Variants in ADAM12 observed in about 807,000 individuals in gnomAD.
ADAM12 encodes ADAM metallopeptidase domain 12.
A neutral mutation model predicts 106.4 loss-of-function variants in ADAM12; 70 were observed. The observed-to-expected ratio is 0.66, with a 90% CI of 0.54 to 0.80. The LOEUF is 0.80. Ranked by LOEUF, ADAM12 falls within the 30% of genes least tolerant of loss-of-function variation. The pLI, the probability that ADAM12 is intolerant of heterozygous loss-of-function variation, is 0.00. For missense variants in ADAM12, 1,010 were observed against 1,171.9 expected (o/e 0.86, Z 2.02); for synonymous variants, 420 against 433.5 (o/e 0.97, Z 0.39).
chr10:126,230,617 T>C (rs553221456), intron 3 of ADAM12, among the ~76,000 whole-genome samples: 33 of 152,356 alleles, frequency 2.2e-4, no homozygotes, highest in Admixed American at 2.0e-4. Flanking sequence ...TGACCTCATT[T>C]GAATTTTCAT....
At chr10:126,057,175 T>G in intron 14 of ADAM12, among the ~76,000 whole-genome samples, 1 of 45,224 alleles carries the variant, frequency 2.2e-5, no homozygotes, top group African/African-American at 7.7e-5. Context: ...CTCATAGTGG[T>G]TTTGATTTGC....
At chr10:126,286,919 G>A (rs1959892587) in intron 2 of ADAM12, among the ~76,000 whole-genome samples, 3 of 152,130 alleles carry the variant, frequency 2.0e-5, no homozygotes, top group South Asian at 2.1e-4. Flanking sequence ...GTGTTCAAAC[G>A]TTGGATTATT....
chr10:126,117,765 G>GGT (rs397737895), intron 6 of ADAM12, among the ~76,000 whole-genome samples: 2 of 125,010 alleles, frequency 1.6e-5, no homozygotes, highest in African/African-American at 3.1e-5. Context: ...AGTTGGGGGG[G>GGT]CGTAATTTTG....
At chr10:126,122,967 T>G (rs114438413) in intron 5 of ADAM12, among the ~76,000 whole-genome samples, 2 of 152,220 alleles carry the variant, frequency 1.3e-5, no homozygotes, top group Non-Finnish European at 2.9e-5. Context: ...TTTTTCTACA[T>G]AGTGGAATAT....
At chr10:126,372,164 A>C (rs1856132385) in intron 1 of ADAM12, among the ~76,000 whole-genome samples, 1 of 152,146 alleles carries the variant, frequency 6.6e-6, no homozygotes, top group Admixed American at 6.5e-5. Flanking sequence ...CTTTGGGATT[A>C]ACTTGGATAC....
rs749500979 is a variant in ADAM12 at position 126,388,060 on chromosome 10, C to G, written c.86G>C (p.Arg29Pro). Residue 29 changes from arginine to proline, a missense_variant and splice_region_variant, in exon 1 of 23, where the codon CGA becomes CCA. By Grantham distance (103) the Arg-to-Pro change is moderately radical. This residue lies in a region of ADAM12 where 391 missense variants were observed against 442.9 expected (regional missense o/e 0.88). Coordinates refer to ENST00000448723, the MANE Select transcript of ADAM12 (RefSeq NM_001288973.2). This position sits in a 1 kb window ranked among gnomAD's most constrained non-coding sequence, Gnocchi z 4.4. The part of the protein sequence containing the change: ...AGALLAPCEA[R>P]GVSLWNQGRA... ...GCCGCCCTAGTTCGGCGACTTACCT[C>G]GGGCCTCGCAGGGCGCGAGCAGAGC... 9.8e-6 allele frequency: 12 copies of G among 1,223,470 alleles called. No homozygotes were observed. The South Asian group carries it at 4.3e-4, about 44-fold the overall frequency. 75.8% of individuals were successfully genotyped at this position (1,223,470 alleles called of 1,614,324 possible). A position where few individuals can be genotyped will look rare whatever the true frequency, so the allele number is the denominator to read the frequency against.
intron 2 of ADAM12, among the ~76,000 whole-genome samples, chr10:126,280,529 T>C (rs1375997715): frequency 6.6e-6 from 1 of 152,210 alleles, no homozygotes; most frequent in East Asian, 1.9e-4. Context: ...TCTATCATCA[T>C]GGAATGTTCT....
chr10:126,217,794 C>T (rs985611365), intron 3 of ADAM12, among the ~76,000 whole-genome samples: 4 of 151,506 alleles, frequency 2.6e-5, no homozygotes, highest in East Asian at 4.0e-4. Context: ...CAACATATAG[C>T]GAAACCTCAT....
At chr10:126,238,027 C>T (rs114134403) in intron 3 of ADAM12, among the ~76,000 whole-genome samples, 2,044 of 152,168 alleles carry the variant, frequency 0.013, 51 homozygotes, top group African/African-American at 0.046. Context: ...AACAAAGCAA[C>T]GACAATTGTT....
intron 3 of ADAM12, among the ~76,000 whole-genome samples, chr10:126,200,372 A>G (rs1196907746): frequency 6.6e-6 from 1 of 152,202 alleles, no homozygotes; most frequent in African/African-American, 2.4e-5. Flanking sequence ...AGGCTCAGGA[A>G]GTTTATGCTC....
rs79086572 is a variant in ADAM12 at position 126,330,925 on chromosome 10, C to T, written c.89-416G>A. On this transcript the variant is annotated intron_variant, in intron 1 of 22. Coordinates refer to ENST00000448723, the MANE Select transcript of ADAM12 (RefSeq NM_001288973.2). The stretch of plus-strand genomic sequence containing the variant: ...AGACTAAATCCATTTATTTAAGTCC[C>T]AGTGAATCTGTTAAACATAATGCCA... Among the ~76,000 whole-genome samples, 1,062 of 152,266 alleles carry T rather than the reference C, an allele frequency of 7.0e-3. 50 individuals carry two copies. Among genetic ancestry groups the T allele is most frequent in the Admixed American group, 0.054 (830 of 15,288 alleles).
intron 11 of ADAM12, among the ~76,000 whole-genome samples, chr10:126,087,707 C>T (rs1341889683): frequency 1.3e-5 from 2 of 152,186 alleles, no homozygotes; most frequent in Non-Finnish European, 2.9e-5. Flanking sequence ...AGAATTCTAA[C>T]GATATGTATT....
At chr10:126,134,358 T>C (rs1956366627) in intron 5 of ADAM12, among the ~76,000 whole-genome samples, 1 of 152,178 alleles carries the variant, frequency 6.6e-6, no homozygotes, top group Admixed American at 6.5e-5. Flanking sequence ...ATGTATATGA[T>C]GTGACTCTAT....
chr10:126,097,889 C>T (rs1012383028), intron 10 of ADAM12, among the ~76,000 whole-genome samples: 2 of 152,156 alleles, frequency 1.3e-5, no homozygotes, highest in African/African-American at 4.8e-5. Flanking sequence ...AGCAATAAAC[C>T]TGGGTTTCTG....
intron 2 of ADAM12, 152 bp downstream of exon 2, chr10:126,330,260 A>T (rs866067763): frequency 3.1e-6 from 2 of 643,008 alleles, no homozygotes; most frequent in Non-Finnish European, 5.2e-6. Flanking sequence ...TGGTTTGCAT[A>T]TTTTTGGCTT....
chr10:126,277,670 T>C (rs1247566003), intron 3 of ADAM12, among the ~76,000 whole-genome samples: 2 of 152,192 alleles, frequency 1.3e-5, no homozygotes, highest in Admixed American at 1.3e-4. Flanking sequence ...TTCCTGATTA[T>C]ATAATACATG....
At chr10:126,142,693 C>A (rs1956535472) in intron 4 of ADAM12, among the ~76,000 whole-genome samples, 1 of 152,096 alleles carries the variant, frequency 6.6e-6, no homozygotes, top group African/African-American at 2.4e-5. Context: ...AAAATCCATA[C>A]ATGGGCGGAA....
In ADAM12 at chr10:126,094,053, T is replaced by G; in HGVS notation, c.1077A>C (p.Thr359=). The change falls in exon 11 of 23, where the codon ACA becomes ACC. Residue 359 remains threonine, a synonymous_variant. Transcript: ENST00000448723. Reference sequence around the variant, plus strand: ...TTTGACAGCTACAGCCCCTGTCCAGTGTGTCATGATTCATCCCGAAATTGT... The same window carrying G: ...TTTGACAGCTACAGCCCCTGTCCAGGGTGTCATGATTCATCCCGAAATTGT... ...LGHNFGMNHD[T]LDRGCSCQMA... 1 of 1,614,158 alleles carries G rather than the reference T, an allele frequency of 6.2e-7. No individual in the cohort carries two copies.
chr10:126,151,269 A>G (rs550769857), intron 4 of ADAM12, among the ~76,000 whole-genome samples: 2 of 152,308 alleles, frequency 1.3e-5, no homozygotes, highest in East Asian at 1.9e-4. Context: ...GTGAGGCTCT[A>G]TGGGGTTAGG....
Sources: gnomAD v4.1 joint callset for allele counts (sites outside exome capture counted in the v4.1 genomes callset) on GRCh38, gnomAD v4.1.1 for gene constraint, gnomAD v4.1.1 regional missense constraint, Gnocchi (gnomAD v3.1) non-coding constraint, MANE v1.5 for transcripts, NCBI Gene and HGNC (gene_info 2026-07-23, HGNC 2026-07-21) for gene names.